The following ZFHX4 variants were observed in gnomAD, a reference collection of about 807,000 sequenced individuals.
The protein encoded by ZFHX4 is zinc finger homeobox protein 4.
In ZFHX4, 56 loss-of-function variants were observed where a neutral mutation model predicts 267.6. That is an observed-to-expected ratio of 0.21 (90% CI 0.17 to 0.26). The LOEUF (loss-of-function observed/expected upper bound fraction) is 0.26, where lower values mean the gene tolerates loss of function less well. ZFHX4 is among the 10% of genes least tolerant of loss of function. ZFHX4 has a pLI of 1.00. For synonymous variants in ZFHX4, 1,778 were observed against 1,665.6 expected (o/e 1.07, Z -1.64); for missense variants, 4,332 against 4,420.0 (o/e 0.98, Z 0.56).
At chr8:76,757,177 C>T (rs1422864904) in intron 3 of ZFHX4, among the ~76,000 whole-genome samples, 1 of 152,100 alleles carries the variant, frequency 6.6e-6, no homozygotes, top group Non-Finnish European at 1.5e-5. Flanking sequence ...ACATACACAA[C>T]ATGTCTGTTC....
intron 5 of ZFHX4, among the ~76,000 whole-genome samples, chr8:76,837,502 A>G (rs1365398095): frequency 2.0e-5 from 3 of 151,970 alleles, no homozygotes; most frequent in Non-Finnish European, 4.4e-5. Context: ...AGAAAAAAAA[A>G]AAAAACCAAA....
intron 1 of ZFHX4, among the ~76,000 whole-genome samples, chr8:76,698,136 T>A (rs908721118): frequency 5.3e-5 from 8 of 152,124 alleles, no homozygotes; most frequent in Admixed American, 3.3e-4. Context: ...GTTCATGTCC[T>A]TGTCTCACAC....
chr8:76,854,649 T>C lies in ZFHX4; in HGVS notation c.7728T>C (p.Ala2576=). 6.2e-7 allele frequency: 1 copy of C among 1,613,706 alleles called. No individual in the cohort carries two copies. The highest frequency in any genetic ancestry group is 8.5e-7 in the Non-Finnish European group (1 of 1,179,854). Residue 2576 remains alanine (A), a synonymous_variant, in exon 10 of 11, where the codon GCT becomes GCC. Coordinates refer to ENST00000651372, the MANE Select transcript of ZFHX4 (RefSeq NM_024721.5). ...SHTTAPTTVA[A]SLKRKLDDKE... is the part of the protein sequence containing the mutation. ...CCACAGCCCCCACAACGGTTGCTGC[T>C]TCCCTAAAAAGGAAACTAGACGATA...
intron 1 of ZFHX4, among the ~76,000 whole-genome samples, chr8:76,690,095 A>C (rs2056399073): frequency 6.6e-6 from 1 of 152,080 alleles, no homozygotes; most frequent in African/African-American, 2.4e-5. Flanking sequence ...AGGACACAAC[A>C]GTGCTCAGAT....
intron 4 of ZFHX4, among the ~76,000 whole-genome samples, chr8:76,785,039 G>A (rs980377690): frequency 6.6e-6 from 1 of 151,880 alleles, no homozygotes; most frequent in Non-Finnish European, 1.5e-5. Context: ...TTTTAATTGA[G>A]GAAATATCTG....
intron 4 of ZFHX4, among the ~76,000 whole-genome samples, chr8:76,791,055 G>A (rs1304248218): frequency 6.6e-6 from 1 of 152,160 alleles, no homozygotes; most frequent in Non-Finnish European, 1.5e-5. Context: ...CTTAATATTT[G>A]ACTTCAATTT....
chr8:76,725,739 T>C (rs1321915640), intron 3 of ZFHX4, among the ~76,000 whole-genome samples: 1 of 152,186 alleles, frequency 6.6e-6, no homozygotes, highest in Non-Finnish European at 1.5e-5. Flanking sequence ...AGGTTTTGTT[T>C]AAGTAAAACA....
intron 4 of ZFHX4, among the ~76,000 whole-genome samples, chr8:76,801,822 T>TATGAGTCA (rs1811124535): frequency 6.6e-6 from 1 of 152,178 alleles, no homozygotes; most frequent in Non-Finnish European, 1.5e-5. Flanking sequence ...GAAATGAATT[T>TATGAGTCA]ATGAGTCAAA....
chr8:76,753,010 A>G (rs1050645766), intron 3 of ZFHX4, among the ~76,000 whole-genome samples: 1 of 152,212 alleles, frequency 6.6e-6, no homozygotes, highest in Non-Finnish European at 1.5e-5. Flanking sequence ...GTGCATGCCA[A>G]TGCATATGTT....
chr8:76,738,241 A>C (rs1168642155), intron 3 of ZFHX4, among the ~76,000 whole-genome samples: 1 of 152,124 alleles, frequency 6.6e-6, no homozygotes, highest in African/African-American at 2.4e-5. Flanking sequence ...GCCCCCATTA[A>C]GATCCTGAGG....
At chr8:76,862,897 T>A (rs1045713262) in intron 10 of ZFHX4, among the ~76,000 whole-genome samples, 197 bp from the exon 11 acceptor site, 4 of 152,186 alleles carry the variant, frequency 2.6e-5, no homozygotes, top group Admixed American at 6.5e-5. Context: ...GGGTTAAAAC[T>A]AATATAAGAA....
At position 76,863,265 on chromosome 8, in the gene ZFHX4, A is replaced by G. The variant is rs1332254984; in HGVS notation, c.9551A>G (p.Gln3184Arg). ...TCTCTGTCAGGACAGCAGACCGAGC[A>G]ACAGAACAAAGAATCTGAGAAAAAG... ...SSSLSGQQTE[Q>R]QNKESEKKQT... Residue 3184 changes from glutamine (Q) to arginine (R), a missense_variant, in exon 11 of 11, where the codon CAA becomes CGA. Gln to Arg is a conservative substitution (Grantham distance 43). This residue lies in a region of ZFHX4 where 1,648 missense variants were observed against 1,625.0 expected (regional missense o/e 1.01). Coordinates refer to ENST00000651372, the MANE Select transcript of ZFHX4 (RefSeq NM_024721.5). The G allele has an allele frequency of 5.6e-6, 9 of 1,609,860 alleles. No individual in the cohort carries two copies. In the South Asian group the frequency reaches 6.6e-5, roughly 12 times the overall value.
At chr8:76,756,456 T>A (rs1438072791) in intron 3 of ZFHX4, among the ~76,000 whole-genome samples, 1 of 151,736 alleles carries the variant, frequency 6.6e-6, no homozygotes, top group Non-Finnish European at 1.5e-5. Flanking sequence ...GATGGGTGGG[T>A]AGAGGCTCAT....
chr8:76,823,782 A>T (rs1811714887), intron 4 of ZFHX4, among the ~76,000 whole-genome samples: 1 of 152,130 alleles, frequency 6.6e-6, no homozygotes, highest in Non-Finnish European at 1.5e-5. Flanking sequence ...TTATCTGAGG[A>T]TTTTCTTTTA....
intron 3 of ZFHX4, among the ~76,000 whole-genome samples, chr8:76,754,531 C>T (rs1275482839): frequency 2.0e-5 from 3 of 151,916 alleles, no homozygotes; most frequent in Non-Finnish European, 4.4e-5. Context: ...ACACAGCATA[C>T]ATTTTTTGTT....
intron 3 of ZFHX4, among the ~76,000 whole-genome samples, chr8:76,752,047 G>A (rs1352446465): frequency 6.6e-6 from 1 of 152,052 alleles, no homozygotes; most frequent in Non-Finnish European, 1.5e-5. Context: ...AATAAGATGA[G>A]GTTTGAGGAT....
intron 5 of ZFHX4, among the ~76,000 whole-genome samples, chr8:76,835,492 G>A (rs1236161748): frequency 6.6e-6 from 1 of 151,276 alleles, no homozygotes; most frequent in Non-Finnish European, 1.5e-5. Context: ...ATGGTATATT[G>A]GAATACTTAA....
At position 76,850,248 on chromosome 8, in the gene ZFHX4, C is replaced by T. The variant is rs574818617; in HGVS notation, c.3850C>T (p.Pro1284Ser). ...DCVEKLLMTV[P>S]VPDVMMPNSM... ...TAAACCCCTTTGGTTTCCAAAGGTGCCTGTCCCTGATGTGATGATGCCAAA... is the reference window on the plus strand; with the variant it reads ...TAAACCCCTTTGGTTTCCAAAGGTGTCTGTCCCTGATGTGATGATGCCAAA... The change falls in exon 9 of 11, where the codon CCT (proline) becomes TCT (serine). Residue 1284 changes from proline (P) to serine (S), a missense_variant. Physicochemically the swap from Pro to Ser is moderately conservative, Grantham distance 74. Coordinates refer to ENST00000651372, the MANE Select transcript of ZFHX4 (RefSeq NM_024721.5). 3 of 1,611,140 alleles carry T rather than the reference C, an allele frequency of 1.9e-6. No individual in the cohort carries two copies. The highest frequency in any genetic ancestry group is 2.5e-6 in the Non-Finnish European group (3 of 1,178,860).
rs145074895 is a variant in ZFHX4 at position 76,754,343 on chromosome 8, G to T, written c.3094-23865G>T. On this transcript the variant is annotated intron_variant, in intron 3 of 10. Transcript: ENST00000651372. ...TCTCTACCAAAAAATACAAAAATTA[G>T]CCGGGCATGGTGGTGCGCACCTGTA... Among the ~76,000 whole-genome samples, 265 of 152,146 alleles carry T rather than the reference G, an allele frequency of 1.7e-3. 1 individual carries two copies. The highest frequency in any genetic ancestry group is 6.1e-3 in the African/African-American group (253 of 41,522).
Sources: gnomAD v4.1 joint callset for allele counts (sites outside exome capture counted in the v4.1 genomes callset) on GRCh38, gnomAD v4.1.1 for gene constraint, gnomAD v4.1.1 regional missense constraint, MANE v1.5 for transcripts, NCBI Gene and HGNC (gene_info 2026-07-23, HGNC 2026-07-21) for gene names.